Variants in VWC2L observed in about 807,000 individuals in gnomAD.
The protein encoded by VWC2L is von Willebrand factor C domain containing 2 like, also known as von Willebrand factor C domain-containing protein 2-like.
VWC2L carries 10 observed loss-of-function variants against 21.6 expected under a neutral mutation model. That is an observed-to-expected ratio of 0.46 (90% CI 0.29 to 0.78). The LOEUF is 0.78. Among genes scored for constraint, VWC2L ranks in the 30% least tolerant of loss-of-function variants. The pLI is 0.10. For missense variants in VWC2L, 209 were observed against 277.1 expected (o/e 0.75, Z 1.74); for synonymous variants, 96 against 94.3 (o/e 1.02, Z -0.10).
At position 214,414,418 on chromosome 2, in the gene VWC2L, A is replaced by C; in HGVS notation, c.225A>C (p.Pro75=). ...ERFFPGHSNC[P]CVCALDGPVC... is the part of the protein sequence containing the mutation. ...TTTTCCCTGGGCATTCCAACTGTCC[A>C]TGTGTCTGTGCTCTAGATGGACCTG... The change falls in exon 2 of 4, where the codon CCA becomes CCC. Residue 75 remains proline (P), a synonymous_variant. Transcript: ENST00000312504. The C allele has an allele frequency of 6.2e-7, 1 of 1,613,634 alleles. No homozygotes were observed. The highest frequency in any genetic ancestry group is 8.5e-7 in the Non-Finnish European group (1 of 1,179,714).
chr2:214,476,344 C>T (rs1441521333), intron 3 of VWC2L, among the ~76,000 whole-genome samples: 1 of 152,146 alleles, frequency 6.6e-6, no homozygotes, highest in African/African-American at 2.4e-5. Flanking sequence ...CAGTATGAGG[C>T]TTATGGACCA....
chr2:214,561,644 A>G (rs973885694), intron 3 of VWC2L, among the ~76,000 whole-genome samples: 3 of 151,598 alleles, frequency 2.0e-5, no homozygotes, highest in Admixed American at 6.6e-5. Flanking sequence ...GTGTGGTGGC[A>G]TATGCCTATA....
chr2:214,549,234 A>G (rs1038426669), intron 3 of VWC2L, among the ~76,000 whole-genome samples: 2 of 152,068 alleles, frequency 1.3e-5, no homozygotes, highest in South Asian at 2.1e-4. Context: ...TCTTCACTCA[A>G]TTGTGTCAGC....
intron 3 of VWC2L, among the ~76,000 whole-genome samples, chr2:214,484,537 G>A (rs1688650131): frequency 6.6e-6 from 1 of 152,084 alleles, no homozygotes; most frequent in Non-Finnish European, 1.5e-5. Flanking sequence ...CCACCCAGCT[G>A]GCTGAAGCAG....
chr2:214,541,251 C>T (rs1227803841), intron 3 of VWC2L, among the ~76,000 whole-genome samples: 3 of 151,698 alleles, frequency 2.0e-5, no homozygotes, highest in Admixed American at 1.3e-4. Flanking sequence ...TTAATTGTCT[C>T]ATTTTGTTTT....
intron 3 of VWC2L, among the ~76,000 whole-genome samples, chr2:214,539,701 ACTT>A (rs1169876906): frequency 6.6e-6 from 1 of 152,136 alleles, no homozygotes; most frequent in African/African-American, 2.4e-5. Flanking sequence ...GATTGCATAA[ACTT>A]TTAACAGCTA....
intron 3 of VWC2L, among the ~76,000 whole-genome samples, chr2:214,507,754 A>G (rs1688987578): frequency 6.6e-6 from 1 of 152,182 alleles, no homozygotes; most frequent in South Asian, 2.1e-4. Context: ...TTTCTATTGA[A>G]CAGCCTTGGA....
At chr2:214,479,596 A>G (rs12470347) in intron 3 of VWC2L, among the ~76,000 whole-genome samples, 151,354 of 152,268 alleles carry the variant, frequency 0.99, 75,226 homozygotes, top group East Asian at 1. Context: ...CCTGAGGTCA[A>G]GCGTTCAAGA....
chr2:214,443,869 T>C (rs963429897), intron 3 of VWC2L, among the ~76,000 whole-genome samples: 5 of 152,134 alleles, frequency 3.3e-5, no homozygotes, highest in African/African-American at 1.2e-4. Flanking sequence ...GGAGGAAAAT[T>C]GGAAAGAAGG....
chr2:214,470,049 A>G (rs189634467), intron 3 of VWC2L, among the ~76,000 whole-genome samples: 23 of 152,336 alleles, frequency 1.5e-4, no homozygotes, highest in African/African-American at 5.3e-4. Context: ...TGGTATTAAT[A>G]TTACATGTAA....
chr2:214,526,264 A>C (rs932160284), intron 3 of VWC2L, among the ~76,000 whole-genome samples: 12 of 152,070 alleles, frequency 7.9e-5, no homozygotes, highest in Non-Finnish European at 1.8e-4. Flanking sequence ...GAGGAAAAAA[A>C]GCCATTTCTT....
intron 3 of VWC2L, among the ~76,000 whole-genome samples, chr2:214,514,344 T>C (rs1181063632): frequency 6.6e-6 from 1 of 151,834 alleles, no homozygotes; most frequent in Non-Finnish European, 1.5e-5. Context: ...CTTTTTTTCG[T>C]TCTTAACATA....
chr2:214,553,489 T>C (rs1173648592), intron 3 of VWC2L, among the ~76,000 whole-genome samples: 2 of 152,166 alleles, frequency 1.3e-5, no homozygotes, highest in African/African-American at 4.8e-5. Flanking sequence ...TGGCAGTTGG[T>C]TGAAAGAGTT....
intron 3 of VWC2L, among the ~76,000 whole-genome samples, chr2:214,532,339 TG>T (rs1298530924): frequency 2.0e-5 from 3 of 152,030 alleles, no homozygotes; most frequent in African/African-American, 7.2e-5. Flanking sequence ...TTTGCGCACA[TG>T]GATATTACTG....
intron 3 of VWC2L, among the ~76,000 whole-genome samples, chr2:214,560,075 T>A (rs903714822): frequency 6.6e-6 from 1 of 152,220 alleles, no homozygotes; most frequent in Non-Finnish European, 1.5e-5. Context: ...AGCCTCATTA[T>A]ACATTTTGTG....
intron 3 of VWC2L, among the ~76,000 whole-genome samples, chr2:214,536,118 C>A (rs113034442): frequency 3.3e-5 from 5 of 152,262 alleles, no homozygotes; most frequent in African/African-American, 1.2e-4. Context: ...CCATGACTTG[C>A]ATATTGCATG....
chr2:214,564,245 A>G (rs1690027577), intron 3 of VWC2L, among the ~76,000 whole-genome samples: 2 of 152,184 alleles, frequency 1.3e-5, no homozygotes, highest in Admixed American at 1.3e-4. Context: ...CATACTACCT[A>G]AAGTAATCTA....
chr2:214,485,487 T>C (rs1314652742), intron 3 of VWC2L, among the ~76,000 whole-genome samples: 1 of 152,132 alleles, frequency 6.6e-6, no homozygotes, highest in Non-Finnish European at 1.5e-5. Flanking sequence ...TACTTCCTCT[T>C]CTGAAAAATA....
intron 3 of VWC2L, among the ~76,000 whole-genome samples, chr2:214,548,781 C>T (rs1019569574): frequency 7.2e-5 from 11 of 152,186 alleles, no homozygotes; most frequent in African/African-American, 1.9e-4. Context: ...GTAGTCAATA[C>T]ACAGTTTGAA....
Sources: gnomAD v4.1 joint callset for allele counts (sites outside exome capture counted in the v4.1 genomes callset) on GRCh38, gnomAD v4.1.1 for gene constraint, MANE v1.5 for transcripts, NCBI Gene and HGNC (gene_info 2026-07-23, HGNC 2026-07-21) for gene names.